MACO1: variants seen among roughly 807,000 people sequenced by gnomAD.
MACO1 encodes macoilin.
In MACO1, 14 loss-of-function variants were observed where a neutral mutation model predicts 78.7. That is an observed-to-expected ratio of 0.18 (90% CI 0.12 to 0.28). The LOEUF (loss-of-function observed/expected upper bound fraction) is 0.28. MACO1 is among the 10% of genes least tolerant of loss of function. MACO1 has a pLI of 1.00. For synonymous variants in MACO1, 288 were observed against 291.6 expected, an observed-to-expected ratio of 0.99 and a Z score of 0.12; for missense variants, 501 against 799.0, an observed-to-expected ratio of 0.63 and a Z score of 4.50.
At chr1:25,441,289 C>T (rs1286731490) in intron 1 of MACO1, among the ~76,000 whole-genome samples, 1 of 152,028 alleles carries the variant, frequency 6.6e-6, no homozygotes, top group Non-Finnish European at 1.5e-5. Context: ...CTCCTGGGTT[C>T]AAGCGATTCT....
chr1:25,472,199 T>A (rs544146848), intron 6 of MACO1, among the ~76,000 whole-genome samples: 26 of 152,080 alleles, frequency 1.7e-4, no homozygotes, highest in African/African-American at 4.4e-4. Context: ...ATTAAAAAAA[T>A]ATATATATTA....
At chr1:25,451,797 T>C (rs569136556) in intron 3 of MACO1, among the ~76,000 whole-genome samples, 34 of 151,920 alleles carry the variant, frequency 2.2e-4, no homozygotes, top group African/African-American at 8.2e-4. Context: ...TCCCAGCTGC[T>C]CAGGAGGCTG....
At position 25,457,192 on chromosome 1, in the gene MACO1, A is replaced by G. The variant is rs140841744; in HGVS notation, c.652+361A>G. On this transcript the variant is annotated intron_variant, in intron 5 of 10. Transcript: ENST00000374343. Reference sequence around the variant, plus strand: ...CAGTTAGGGACCACTGCAGCCTCAAACTCCTGGGAGCAAAGTAATCCTCCC... The same window carrying G: ...CAGTTAGGGACCACTGCAGCCTCAAGCTCCTGGGAGCAAAGTAATCCTCCC... Among the ~76,000 whole-genome samples the G allele has an allele frequency of 3.3e-5, 5 of 151,552 alleles. No individual in the cohort carries two copies. The East Asian group carries it at 9.7e-4, about 29-fold the overall frequency.
chr1:25,497,614 T>A (rs1373980439), intron 10 of MACO1, among the ~76,000 whole-genome samples: 2 of 152,128 alleles, frequency 1.3e-5, no homozygotes, highest in Admixed American at 6.5e-5. Flanking sequence ...GTGATGTTGC[T>A]AAAGCAAGGG....
chr1:25,432,252 G>A (rs1301681690), intron 1 of MACO1, among the ~76,000 whole-genome samples: 1 of 152,158 alleles, frequency 6.6e-6, no homozygotes, highest in East Asian at 1.9e-4. Context: ...TGACACCCAA[G>A]TTGTCTTAAC....
chr1:25,460,877 T>TA (rs1024676445), intron 6 of MACO1, among the ~76,000 whole-genome samples: 1 of 152,146 alleles, frequency 6.6e-6, no homozygotes, highest in Non-Finnish European at 1.5e-5. Flanking sequence ...GAGAACTACT[T>TA]ACTATCAAAT....
At chr1:25,487,031 G>A (rs753160756) in intron 8 of MACO1, among the ~76,000 whole-genome samples, 2 of 152,140 alleles carry the variant, frequency 1.3e-5, no homozygotes, top group Non-Finnish European at 2.9e-5. Flanking sequence ...TAACGATATT[G>A]CTTAGTGTCT....
At chr1:25,479,174 C>A (rs1437911278) in intron 6 of MACO1, among the ~76,000 whole-genome samples, 1 of 152,138 alleles carries the variant, frequency 6.6e-6, no homozygotes, top group Non-Finnish European at 1.5e-5. Flanking sequence ...TAGGTTTCAG[C>A]TAATGACATT....
At chr1:25,497,480 T>G (rs750320100) in intron 10 of MACO1, among the ~76,000 whole-genome samples, 2 of 151,952 alleles carry the variant, frequency 1.3e-5, no homozygotes, top group Non-Finnish European at 2.9e-5. Flanking sequence ...TCCTCAAGAT[T>G]TAGCTAGCTT....
At chr1:25,444,923 T>C (rs1465809219) in intron 1 of MACO1, among the ~76,000 whole-genome samples, 1 of 152,090 alleles carries the variant, frequency 6.6e-6, no homozygotes, top group Non-Finnish European at 1.5e-5. Flanking sequence ...AGGTCAGTTA[T>C]GGATTTAATG....
At chr1:25,442,666 G>C (rs1427034211) in intron 1 of MACO1, among the ~76,000 whole-genome samples, 1 of 151,904 alleles carries the variant, frequency 6.6e-6, no homozygotes, top group Non-Finnish European at 1.5e-5. Flanking sequence ...CTGCTAAATG[G>C]ATTGAGGTAA....
At chr1:25,443,472 C>G in intron 1 of MACO1, among the ~76,000 whole-genome samples, 2 of 152,254 alleles carry the variant, frequency 1.3e-5, no homozygotes, top group South Asian at 4.1e-4. Context: ...TCTTAGATAC[C>G]TGTACTTCTA....
intron 8 of MACO1, among the ~76,000 whole-genome samples, chr1:25,486,045 G>GGA (rs1204910128): frequency 6.6e-6 from 1 of 152,110 alleles, no homozygotes; most frequent in African/African-American, 2.4e-5. Context: ...CCCATACCTG[G>GGA]GAGGCAAAGT....
intron 6 of MACO1, among the ~76,000 whole-genome samples, chr1:25,480,358 A>G (rs75812865): frequency 0.014 from 2,063 of 152,368 alleles, 52 homozygotes; most frequent in African/African-American, 0.047. Flanking sequence ...AAAATAATTC[A>G]CAATTTGGAA....
chr1:25,465,218 A>G (rs1326260506), intron 6 of MACO1, among the ~76,000 whole-genome samples: 1 of 152,192 alleles, frequency 6.6e-6, no homozygotes, highest in Non-Finnish European at 1.5e-5. Context: ...GCTGTAGGAC[A>G]TCTTGGTTTT....
At chr1:25,484,408 T>C (rs1300966664) in intron 7 of MACO1, 134 bp downstream of exon 7, 3 of 807,514 alleles carry the variant, frequency 3.7e-6, no homozygotes, top group Admixed American at 3.7e-5. Flanking sequence ...TTTAAAATAC[T>C]TTATTTAGTA....
intron 6 of MACO1, among the ~76,000 whole-genome samples, chr1:25,483,872 C>T (rs1357717032): frequency 1.3e-5 from 2 of 152,304 alleles, no homozygotes; most frequent in South Asian, 2.1e-4. Flanking sequence ...ACCATACTCA[C>T]CTGTCACTAT....
In MACO1 at chr1:25,498,295, G is replaced by C. The variant is rs2043555322; in HGVS notation, c.1824G>C (p.Lys608Asn). The change falls in exon 11 of 11, where the codon AAG becomes AAC. Residue 608 changes from lysine to asparagine, a missense_variant. Lys to Asn is a moderately conservative substitution (Grantham distance 94). Around this residue, in one of 5 missense-constraint regions of MACO1, gnomAD observed 66 missense variants for 101.6 expected, o/e 0.65. Transcript: ENST00000374343. ...GQILQKDQEI[K>N]DLKQKIAEVM... is the part of the protein sequence containing the mutation. ...TCCTTCAGAAAGATCAGGAAATCAAGGACCTAAAACAGAAGATAGCCGAAG... is the reference window on the plus strand; with the variant it reads ...TCCTTCAGAAAGATCAGGAAATCAACGACCTAAAACAGAAGATAGCCGAAG... 6.2e-7 allele frequency: 1 copy of C among 1,614,026 alleles called. No individual in the cohort carries two copies. Among genetic ancestry groups the C allele is most frequent in the South Asian group, 1.1e-5 (1 of 91,078 alleles).
At chr1:25,457,866 C>T (rs1351692610) in intron 5 of MACO1, among the ~76,000 whole-genome samples, 1 of 152,206 alleles carries the variant, frequency 6.6e-6, no homozygotes, top group Non-Finnish European at 1.5e-5. Flanking sequence ...GTAAATGATA[C>T]AGACTTCCTT....
Sources: gnomAD v4.1 joint callset for allele counts (sites outside exome capture counted in the v4.1 genomes callset) on GRCh38, gnomAD v4.1.1 for gene constraint, gnomAD v4.1.1 regional missense constraint, MANE v1.5 for transcripts, NCBI Gene and HGNC (gene_info 2026-07-23, HGNC 2026-07-21) for gene names.